Variants in CCNY observed in about 807,000 individuals in gnomAD.
The protein encoded by CCNY is cyclin-Y.
In CCNY, 19 loss-of-function variants were observed where a neutral mutation model predicts 42.8. The ratio of observed to expected loss-of-function variants is 0.44; its 90% CI spans 0.31 to 0.65. CCNY has a LOEUF of 0.65. CCNY is among the 30% of genes least tolerant of loss of function. The pLI, the probability that CCNY is intolerant of heterozygous loss-of-function variation, is 0.07. For synonymous variants in CCNY, 165 were observed against 162.7 expected (o/e 1.01, Z -0.11); for missense variants, 370 against 437.3 (o/e 0.85, Z 1.37).
intron 1 of CCNY, among the ~76,000 whole-genome samples, chr10:35,402,286 A>G (rs1837661846): frequency 6.6e-6 from 1 of 152,186 alleles, no homozygotes; most frequent in African/African-American, 2.4e-5. Context: ...TTATGAATTG[A>G]AAAACTAAAC....
At chr10:35,258,325 G>C (rs1337212480) in intron 3 of CCNY, among the ~76,000 whole-genome samples, 1 of 152,174 alleles carries the variant, frequency 6.6e-6, no homozygotes, top group Admixed American at 6.6e-5. Context: ...TTCTGAGCCT[G>C]TGCCTTTCCC....
At chr10:35,284,382 G>T (rs1589016397) in intron 3 of CCNY, among the ~76,000 whole-genome samples, 2 of 152,010 alleles carry the variant, frequency 1.3e-5, no homozygotes, top group Non-Finnish European at 2.9e-5. Flanking sequence ...TTGTGTAATC[G>T]CTTCCTCCTG....
chr10:35,304,318 A>ATTTTTTT (rs1461045175), intron 3 of CCNY, among the ~76,000 whole-genome samples: 1 of 97,296 alleles, frequency 1.0e-5, no homozygotes, highest in Non-Finnish European at 2.0e-5. Context: ...TTTATTTTTT[A>ATTTTTTT]TTTTTTTTTG....
intron 1 of CCNY, among the ~76,000 whole-genome samples, chr10:35,367,317 C>G (rs2135167089): frequency 6.6e-6 from 1 of 152,192 alleles, no homozygotes; most frequent in East Asian, 1.9e-4. Flanking sequence ...AGTGTTCCAC[C>G]ATGCACTAGC....
intron 1 of CCNY, among the ~76,000 whole-genome samples, chr10:35,459,271 T>C (rs377072625): frequency 2.6e-5 from 4 of 152,220 alleles, no homozygotes; most frequent in African/African-American, 9.6e-5. Context: ...GGCCACAGAA[T>C]CTCTTCCAAA....
At chr10:35,307,108 C>T (rs577654611) in intron 3 of CCNY, among the ~76,000 whole-genome samples, 44 of 152,280 alleles carry the variant, frequency 2.9e-4, no homozygotes, top group Admixed American at 3.9e-4. Flanking sequence ...TCGGGTAACA[C>T]GCTGGCAACC....
intron 1 of CCNY, among the ~76,000 whole-genome samples, chr10:35,481,615 G>A (rs1005576295): frequency 6.6e-6 from 1 of 152,154 alleles, no homozygotes; most frequent in African/African-American, 2.4e-5. Context: ...TTGATTTTCT[G>A]GTGTCACCTT....
intron 2 of CCNY, among the ~76,000 whole-genome samples, chr10:35,249,731 C>T (rs1263761759): frequency 6.6e-6 from 1 of 152,150 alleles, no homozygotes; most frequent in Non-Finnish European, 1.5e-5. Flanking sequence ...AAAAAAATAA[C>T]CTCGCAGCTT....
chr10:35,553,627 G>A (rs1165279041), intron 8 of CCNY, among the ~76,000 whole-genome samples: 2 of 152,148 alleles, frequency 1.3e-5, no homozygotes, highest in Admixed American at 1.3e-4. Context: ...TTTTTGTTTA[G>A]TTTCACAGAG....
At chr10:35,412,919 T>C in intron 1 of CCNY, among the ~76,000 whole-genome samples, 1 of 138,166 alleles carries the variant, frequency 7.2e-6, no homozygotes, top group South Asian at 2.4e-4. Flanking sequence ...AGGATGTGGA[T>C]CACGCTTTGG....
chr10:35,531,559 G>A (rs1006144975), intron 7 of CCNY, among the ~76,000 whole-genome samples: 1 of 152,200 alleles, frequency 6.6e-6, no homozygotes, highest in South Asian at 2.1e-4. Flanking sequence ...GGGATTTTAA[G>A]TTCTAACCAA....
chr10:35,464,341 C>T (rs992536815), intron 1 of CCNY, among the ~76,000 whole-genome samples: 2 of 152,206 alleles, frequency 1.3e-5, no homozygotes, highest in African/African-American at 2.4e-5. Context: ...CCCTTTCCCA[C>T]GTGGATGATG....
intron 3 of CCNY, among the ~76,000 whole-genome samples, chr10:35,317,093 C>T (rs963064476): frequency 1.3e-5 from 2 of 152,176 alleles, no homozygotes; most frequent in African/African-American, 4.8e-5. Context: ...ATGATCCATC[C>T]GCTTCAGTTT....
intron 1 of CCNY, among the ~76,000 whole-genome samples, chr10:35,457,639 G>A (rs1839066169): frequency 6.6e-6 from 1 of 151,590 alleles, no homozygotes; most frequent in South Asian, 2.1e-4. Flanking sequence ...GGAGTGCAGT[G>A]GCACAGTCTC....
intron 1 of CCNY, among the ~76,000 whole-genome samples, chr10:35,407,744 T>C (rs1837811715): frequency 6.6e-6 from 1 of 151,654 alleles, no homozygotes; most frequent in African/African-American, 2.4e-5. Context: ...AGGTTGCCCA[T>C]AGTGAAGGAG....
intron 3 of CCNY, among the ~76,000 whole-genome samples, chr10:35,264,288 C>T (rs1290630458): frequency 6.6e-6 from 1 of 151,960 alleles, no homozygotes; most frequent in Non-Finnish European, 1.5e-5. Context: ...GCACAATGTG[C>T]AGGTTTGTTA....
chr10:35,515,441 C>A (rs1468948864), intron 3 of CCNY, among the ~76,000 whole-genome samples: 2 of 152,224 alleles, frequency 1.3e-5, no homozygotes, highest in East Asian at 3.9e-4. Flanking sequence ...ACTGAGGAAA[C>A]CTTATTAAAT....
At chr10:35,368,014 A>G (rs896827674) in intron 1 of CCNY, among the ~76,000 whole-genome samples, 26 of 152,248 alleles carry the variant, frequency 1.7e-4, no homozygotes, top group African/African-American at 5.5e-4. Context: ...AAATTCTCTG[A>G]AGAATGACTT....
chr10:35,367,467 A>C (rs983430687), intron 1 of CCNY, among the ~76,000 whole-genome samples: 1 of 152,246 alleles, frequency 6.6e-6, no homozygotes, highest in Non-Finnish European at 1.5e-5. Context: ...AATAGATATT[A>C]GTTATTATTA....
Sources: allele counts gnomAD v4.1 joint callset (sites outside exome capture counted in the v4.1 genomes callset), GRCh38; gene constraint gnomAD v4.1.1; transcripts MANE v1.5; gene names NCBI Gene and HGNC (gene_info 2026-07-23, HGNC 2026-07-21).